Variants in MEIKIN observed in about 807,000 individuals in gnomAD.
MEIKIN encodes the protein meiosis-specific kinetochore protein.
chr5:131,821,162 C>A (rs1010351889), intron 11 of MEIKIN, among the ~76,000 whole-genome samples: 5 of 152,086 alleles, frequency 3.3e-5, no homozygotes, highest in African/African-American at 1.2e-4. Context: ...ATTAGTACTG[C>A]TTTTGCTGTA....
At chr5:131,925,155 T>C (rs1580909865) in intron 5 of MEIKIN, among the ~76,000 whole-genome samples, 1 of 152,238 alleles carries the variant, frequency 6.6e-6, no homozygotes, top group East Asian at 1.9e-4. Context: ...ATTTCTCTTA[T>C]GACAGTATCA....
intron 8 of MEIKIN, among the ~76,000 whole-genome samples, chr5:131,900,267 T>C (rs1045728838): frequency 5.9e-5 from 9 of 152,180 alleles, no homozygotes; most frequent in African/African-American, 2.2e-4. Context: ...ACTGGTGAAT[T>C]CCTAGCAGAT....
At chr5:131,867,761 T>C (rs1750411481) in intron 9 of MEIKIN, among the ~76,000 whole-genome samples, 1 of 152,250 alleles carries the variant, frequency 6.6e-6, no homozygotes, top group African/African-American at 2.4e-5. Flanking sequence ...ACAGTTTATT[T>C]ATGCATTCAC....
At chr5:131,847,670 A>G (rs1750042703) in intron 11 of MEIKIN, among the ~76,000 whole-genome samples, 1 of 152,104 alleles carries the variant, frequency 6.6e-6, no homozygotes. Flanking sequence ...AGGACTTACA[A>G]TCAATTAAGT....
intron 8 of MEIKIN, 58 bp from the exon 9 acceptor site, chr5:131,879,106 T>A (rs1750661992): frequency 7.5e-6 from 3 of 397,668 alleles, no homozygotes; most frequent in African/African-American, 2.1e-5. Context: ...TAACTATGAG[T>A]CCAAAGGACA....
intron 9 of MEIKIN, 53 bp downstream of exon 9, chr5:131,878,925 T>C (rs955638368): frequency 2.5e-6 from 1 of 397,882 alleles, no homozygotes; most frequent in African/African-American, 2.1e-5. Flanking sequence ...AAGTATATTC[T>C]TTATTAATGA....
intron 7 of MEIKIN, among the ~76,000 whole-genome samples, chr5:131,916,360 T>C (rs140600284): frequency 6.6e-6 from 1 of 152,362 alleles, no homozygotes; most frequent in African/African-American, 2.4e-5. Context: ...GCTATCATAC[T>C]AACGCTACTC....
At chr5:131,894,430 G>C (rs1171810183) in intron 8 of MEIKIN, among the ~76,000 whole-genome samples, 2 of 152,150 alleles carry the variant, frequency 1.3e-5, no homozygotes, top group Non-Finnish European at 2.9e-5. Context: ...TTCCAATTCT[G>C]TGAAGAAAGT....
Position 131,813,247 on chromosome 5 carries a change from T to C in MEIKIN, c.1099+5493A>G, listed in dbSNP as rs1001031485. Reference sequence around the variant, plus strand: ...AGAAAACTCATATTTGATTTACAAATGGTTCTCTATGATATGCAGGTACTG... The same window carrying C: ...AGAAAACTCATATTTGATTTACAAACGGTTCTCTATGATATGCAGGTACTG... On this transcript the variant is annotated intron_variant, in intron 12 of 12. Coordinates refer to ENST00000442687, the MANE Select transcript of MEIKIN (RefSeq NM_001303622.2). Among the ~76,000 whole-genome samples the C allele has an allele frequency of 3.3e-5, 5 of 152,338 alleles. No individual in the cohort carries two copies. The East Asian group carries it at 9.7e-4, about 29-fold the overall frequency.
intron 9 of MEIKIN, among the ~76,000 whole-genome samples, chr5:131,865,284 A>T (rs1039580305): frequency 6.6e-6 from 1 of 151,534 alleles, no homozygotes; most frequent in Non-Finnish European, 1.5e-5. Flanking sequence ...CAGTGGCACA[A>T]TCTCCACTCA....
chr5:131,929,703 T>G (rs1418756948), intron 5 of MEIKIN, among the ~76,000 whole-genome samples: 4 of 152,172 alleles, frequency 2.6e-5, no homozygotes, highest in Non-Finnish European at 4.4e-5. Flanking sequence ...CAACCTCAAG[T>G]AAGCCCCAGT....
intron 8 of MEIKIN, among the ~76,000 whole-genome samples, chr5:131,879,862 G>A (rs1452508198): frequency 6.6e-6 from 1 of 152,088 alleles, no homozygotes; most frequent in African/African-American, 2.4e-5. Context: ...AGTATTTATT[G>A]AGTGTCTGCT....
intron 4 of MEIKIN, among the ~76,000 whole-genome samples, chr5:131,941,109 C>A (rs17132085): frequency 7.0e-6 from 1 of 142,546 alleles, no homozygotes; most frequent in African/African-American, 2.6e-5. Flanking sequence ...AGTTCTTAAT[C>A]CATCGCCTTG....
intron 7 of MEIKIN, among the ~76,000 whole-genome samples, chr5:131,915,190 A>G (rs1429223663): frequency 6.6e-6 from 1 of 152,210 alleles, no homozygotes; most frequent in Non-Finnish European, 1.5e-5. Flanking sequence ...AAAGCCACCC[A>G]GTCAAAGTCT....
Position 131,851,296 on chromosome 5 carries a change from C to T in MEIKIN, c.943G>A (p.Val315Met), listed in dbSNP as rs1750109965. 7.5e-6 allele frequency: 3 copies of T among 398,142 alleles called. No homozygotes were observed. The highest frequency in any genetic ancestry group is 8.9e-6 in the Non-Finnish European group (2 of 225,538). 24.7% of individuals were successfully genotyped at this position (398,142 alleles called of 1,614,324 possible). A position where few individuals can be genotyped will look rare whatever the true frequency, so the allele number is the denominator to read the frequency against. Residue 315 changes from valine to methionine, a missense_variant, in exon 11 of 13, where the codon GTG (valine) becomes ATG (methionine). Val to Met is a conservative substitution (Grantham distance 21). Transcript: ENST00000442687. ...GAAGAATTTTCCTGCAAACTTGACA[C>T]AGGAACAATTTCATTTGAATTAACA... ...NYVNSNEIVPVSSLQENSSNE... is the reference protein window; with the variant it reads ...NYVNSNEIVPMSSLQENSSNE...
chr5:131,886,083 C>T (rs2149631545), intron 8 of MEIKIN, among the ~76,000 whole-genome samples: 1 of 152,086 alleles, frequency 6.6e-6, no homozygotes, highest in Middle Eastern at 3.4e-3. Context: ...CATTAGTGAG[C>T]TTGAAGACAG....
chr5:131,876,327 T>C (rs1228200982), intron 9 of MEIKIN, among the ~76,000 whole-genome samples: 1 of 151,540 alleles, frequency 6.6e-6, no homozygotes, highest in African/African-American at 2.4e-5. Flanking sequence ...CATCAAAAAG[T>C]GGGCGAAGGA....
At chr5:131,813,514 C>T (rs1283521885) in intron 12 of MEIKIN, among the ~76,000 whole-genome samples, 6 of 151,762 alleles carry the variant, frequency 4.0e-5, no homozygotes, top group African/African-American at 1.5e-4. Flanking sequence ...GAAAGCTCCG[C>T]CTCCCGGGTT....
chr5:131,923,267 T>G (rs1490470429), intron 5 of MEIKIN, among the ~76,000 whole-genome samples: 1 of 152,206 alleles, frequency 6.6e-6, no homozygotes, highest in Non-Finnish European at 1.5e-5. Flanking sequence ...CTCCCAGGTG[T>G]TTTAGAATTT....
Sources: gnomAD v4.1 joint callset for allele counts (sites outside exome capture counted in the v4.1 genomes callset) on GRCh38, gnomAD v4.1.1 for gene constraint, MANE v1.5 for transcripts, NCBI Gene and HGNC (gene_info 2026-07-23, HGNC 2026-07-21) for gene names.